HOMER2: variants seen among roughly 807,000 people sequenced by gnomAD.
HOMER2 encodes homer scaffold protein 2.
Under a neutral mutation model 47.0 loss-of-function variants are expected in HOMER2, and 27 were observed. The observed-to-expected ratio is 0.57, with a 90% CI of 0.42 to 0.79. The LOEUF (loss-of-function observed/expected upper bound fraction) is 0.79, where lower values mean the gene tolerates loss of function less well. Among genes scored for constraint, HOMER2 ranks in the 30% least tolerant of loss-of-function variants. The pLI, the probability that HOMER2 is intolerant of heterozygous loss-of-function variation, is 0.00. For missense variants in HOMER2, 443 were observed against 435.0 expected (o/e 1.02, Z -0.16); for synonymous variants, 161 against 163.8 (o/e 0.98, Z 0.13).
At chr15:82,872,171 A>G (rs1466884625) in intron 3 of HOMER2, among the ~76,000 whole-genome samples, 1 of 152,176 alleles carries the variant, frequency 6.6e-6, no homozygotes, top group Non-Finnish European at 1.5e-5. Flanking sequence ...TCAGGAGGGA[A>G]AGACATACAC....
rs747212398 is a variant in HOMER2 at position 82,859,089 on chromosome 15, C to T, written c.434G>A (p.Gly145Asp). The part of the protein sequence containing the change: ...GTDDEKASHA[G>D]PANTHLKSEN... ...AGACTTCAGGTGTGTGTTGGCTGGA[C>T]CGGCGTGAGAGGCCTTTTCATCGTC... The change falls in exon 5 of 9, where the codon GGT becomes GAT. Residue 145 changes from glycine (G) to aspartate (D), a missense_variant. Coordinates refer to ENST00000450735, the MANE Select transcript of HOMER2 (RefSeq NM_004839.4). The T allele has an allele frequency of 2.2e-5, 35 of 1,614,006 alleles. No homozygotes were observed. In the South Asian group the frequency reaches 3.8e-4, roughly 18 times the overall value.
At chr15:82,906,233 A>G (rs866122789) in intron 1 of HOMER2, among the ~76,000 whole-genome samples, 3 of 152,232 alleles carry the variant, frequency 2.0e-5, no homozygotes, top group East Asian at 3.8e-4. Context: ...GAAATGCTCA[A>G]TTACAACTAC....
chr15:82,855,198 C>T (rs557360759), intron 5 of HOMER2, among the ~76,000 whole-genome samples: 2 of 151,544 alleles, frequency 1.3e-5, no homozygotes, highest in South Asian at 4.2e-4. Context: ...TGGTGGCGGG[C>T]GCCTGCAGTC....
At chr15:82,946,396 C>A (rs1477882888) in intron 1 of HOMER2, among the ~76,000 whole-genome samples, 4 of 152,194 alleles carry the variant, frequency 2.6e-5, no homozygotes, top group African/African-American at 9.7e-5. Flanking sequence ...GACCTCTTCA[C>A]CTTCGTGCTC....
At chr15:82,892,568 A>T (rs1227998171) in intron 2 of HOMER2, 117 bp downstream of exon 2, 1 of 756,410 alleles carries the variant, frequency 1.3e-6, no homozygotes, top group African/African-American at 1.8e-5. Context: ...AAAAGAACAG[A>T]ATATGTTATA....
chr15:82,861,878 C>A (rs2051803408), intron 4 of HOMER2, among the ~76,000 whole-genome samples: 2 of 151,892 alleles, frequency 1.3e-5, no homozygotes, highest in African/African-American at 2.4e-5. Context: ...GGTGTGGTGG[C>A]GCATGCTTGT....
intron 8 of HOMER2, among the ~76,000 whole-genome samples, chr15:82,850,831 C>T (rs2051367058): frequency 6.6e-6 from 1 of 152,198 alleles, no homozygotes; most frequent in South Asian, 2.1e-4. Context: ...GGCCCCACAC[C>T]CTGACCCTGG....
intron 2 of HOMER2, among the ~76,000 whole-genome samples, chr15:82,881,457 G>C (rs1385952543): frequency 6.6e-6 from 1 of 152,156 alleles, no homozygotes; most frequent in Non-Finnish European, 1.5e-5. Context: ...GCAATAAAAA[G>C]ACATGTTGCC....
intron 1 of HOMER2, among the ~76,000 whole-genome samples, chr15:82,914,587 G>T (rs2151157700): frequency 6.6e-6 from 1 of 152,176 alleles, no homozygotes; most frequent in South Asian, 2.1e-4. Flanking sequence ...TGCTTAATGG[G>T]TTCAGAGTTT....
intron 3 of HOMER2, among the ~76,000 whole-genome samples, chr15:82,868,541 A>ATATATATATATATATATATATATATATAT: frequency 9.8e-5 from 7 of 71,264 alleles, no homozygotes; most frequent in Admixed American, 1.8e-4. Flanking sequence ...ATATATATAT[A>ATATATATATATATATATATATATATATAT]TTTTTTTTTT....
At chr15:82,950,534 G>A (rs1440146276) in intron 1 of HOMER2, among the ~76,000 whole-genome samples, 2 of 151,972 alleles carry the variant, frequency 1.3e-5, no homozygotes, top group African/African-American at 4.8e-5. Flanking sequence ...CAGTTAAAAC[G>A]GCTCCCTCCA....
At chr15:82,955,336 CT>C (rs1567075349), upstream of HOMER2, among the ~76,000 whole-genome samples, 1 of 151,682 alleles carries the variant, frequency 6.6e-6, no homozygotes, top group Non-Finnish European at 1.5e-5. Context: ...CACCTGGCTA[CT>C]TTTTTGTAGT....
chr15:82,927,774 C>G (rs184628483), intron 1 of HOMER2, among the ~76,000 whole-genome samples: 45 of 152,198 alleles, frequency 3.0e-4, no homozygotes, highest in Admixed American at 9.2e-4. Context: ...AGTTCAAGAT[C>G]AGCCTAACCA....
chr15:82,935,887 C>T (rs1418576570), intron 1 of HOMER2, among the ~76,000 whole-genome samples: 1 of 152,190 alleles, frequency 6.6e-6, no homozygotes, highest in African/African-American at 2.4e-5. Context: ...TTGTCCCCTT[C>T]CACTGCATCC....
At chr15:82,856,944 T>A (rs1454944436) in intron 5 of HOMER2, among the ~76,000 whole-genome samples, 1 of 152,188 alleles carries the variant, frequency 6.6e-6, no homozygotes. Context: ...TTACTAGCCA[T>A]GTGACCTTGG....
chr15:82,889,062 T>C (rs1032414447), intron 2 of HOMER2, among the ~76,000 whole-genome samples: 3 of 152,138 alleles, frequency 2.0e-5, no homozygotes, highest in African/African-American at 7.2e-5. Flanking sequence ...AGTAATATAC[T>C]TGATGTGGCC....
intron 7 of HOMER2, 120 bp downstream of exon 7, chr15:82,852,022 C>T: frequency 1.5e-6 from 1 of 660,304 alleles, no homozygotes; most frequent in Non-Finnish European, 2.6e-6. Context: ...CCAGCTCTCT[C>T]TCCGTGCTGC....
chr15:82,952,537 TC>T lies in HOMER2; in HGVS notation c.-3del. On this transcript the variant is annotated 5_prime_UTR_variant, in exon 1 of 9. Transcript: ENST00000450735. ...GCGGCGCGGGCTCACTCACCCCATC[TC>T]CGGCGCTGCTCCGGCGGCCGCTCCG... The T allele has an allele frequency of 3.4e-6, 4 of 1,184,408 alleles. No homozygotes were observed. The highest frequency in any genetic ancestry group is 4.2e-6 in the Non-Finnish European group (4 of 957,356). 73.4% of individuals were successfully genotyped at this position (1,184,408 alleles called of 1,614,324 possible). A position where few individuals can be genotyped will look rare whatever the true frequency, so the allele number is the denominator to read the frequency against.
At chr15:82,850,720 G>A (rs1256430) in intron 8 of HOMER2, among the ~76,000 whole-genome samples, 19,478 of 152,224 alleles carry the variant, frequency 0.13, 1,453 homozygotes, top group South Asian at 0.3. Context: ...GGTGGAGGAA[G>A]CCCTGAAAAT....
Sources: gnomAD v4.1 joint callset for allele counts (sites outside exome capture counted in the v4.1 genomes callset) on GRCh38, gnomAD v4.1.1 for gene constraint, MANE v1.5 for transcripts, NCBI Gene and HGNC (gene_info 2026-07-23, HGNC 2026-07-21) for gene names.